KCNH7: variants seen among roughly 807,000 people sequenced by gnomAD.
KCNH7 encodes voltage-gated inwardly rectifying potassium channel KCNH7.
Under a neutral mutation model 120.8 loss-of-function variants are expected in KCNH7, and 49 were observed. The ratio of observed to expected loss-of-function variants is 0.41; its 90% confidence interval spans 0.32 to 0.51. The LOEUF is 0.51. KCNH7 is among the 20% of genes least tolerant of loss of function. The probability of loss-of-function intolerance (pLI) is 0.38; values close to 1 mark genes in which losing one functional copy is unlikely to be tolerated. For synonymous variants in KCNH7, 547 were observed against 516.1 expected (o/e 1.06, Z -0.81); for missense variants, 1,097 against 1,446.6 (o/e 0.76, Z 3.92).
intron 2 of KCNH7, among the ~76,000 whole-genome samples, chr2:162,734,764 A>T (rs2105398120): frequency 6.6e-6 from 1 of 152,188 alleles, no homozygotes; most frequent in Admixed American, 6.6e-5. Context: ...GACTCAATAC[A>T]TGAAGTTTAT....
chr2:162,591,576 T>C (rs1187948658), intron 2 of KCNH7, among the ~76,000 whole-genome samples: 2 of 152,068 alleles, frequency 1.3e-5, no homozygotes, highest in Non-Finnish European at 2.9e-5. Flanking sequence ...TTAATTTGCA[T>C]GCAGTGGCTC....
chr2:162,384,196 A>T lies in KCNH7; in HGVS notation c.2962+492T>A, dbSNP rs138252968. Among the ~76,000 whole-genome samples the T allele has an allele frequency of 6.9e-3, 1,047 of 151,978 alleles. 35 individuals are homozygous for T. Among genetic ancestry groups the T allele is most frequent in the Admixed American group, 0.053 (813 of 15,206 alleles). On this transcript the variant is annotated intron_variant, in intron 13 of 15. Coordinates refer to ENST00000332142, the MANE Select transcript of KCNH7 (RefSeq NM_033272.4). ...AAATAAAAATAAAAATAAAATAAAG[A>T]CCATACTTTATTTCAGGGCATTTCT...
chr2:162,567,285 C>G (rs1693289373), intron 2 of KCNH7, among the ~76,000 whole-genome samples: 1 of 151,972 alleles, frequency 6.6e-6, no homozygotes, highest in Non-Finnish European at 1.5e-5. Context: ...AGAGATCCCT[C>G]TTTTTTACTC....
At chr2:162,458,822 A>T (rs563163382) in intron 6 of KCNH7, among the ~76,000 whole-genome samples, 1 of 151,986 alleles carries the variant, frequency 6.6e-6, no homozygotes, top group South Asian at 2.1e-4. Flanking sequence ...TGGGCAACAT[A>T]GTGAGACTTT....
chr2:162,557,148 C>G (rs759283604), intron 2 of KCNH7, among the ~76,000 whole-genome samples: 43 of 152,208 alleles, frequency 2.8e-4, no homozygotes, highest in Admixed American at 9.8e-4. Context: ...CTGCTGTCAT[C>G]TGAAGGCTGA....
At chr2:162,520,200 A>G (rs540298756) in intron 3 of KCNH7, among the ~76,000 whole-genome samples, 25 of 128,160 alleles carry the variant, frequency 2.0e-4, no homozygotes, top group African/African-American at 7.8e-4. Flanking sequence ...ATCACAATCC[A>G]TCCAGTCATA....
intron 6 of KCNH7, among the ~76,000 whole-genome samples, chr2:162,449,098 T>C (rs1170933225): frequency 6.6e-6 from 1 of 151,794 alleles, no homozygotes; most frequent in East Asian, 1.9e-4. Context: ...ATGTGTTGTG[T>C]GTTGGGGAAT....
intron 6 of KCNH7, among the ~76,000 whole-genome samples, chr2:162,486,213 G>A (rs1206231769): frequency 6.6e-6 from 1 of 152,146 alleles, no homozygotes; most frequent in African/African-American, 2.4e-5. Context: ...GGCCATTAAA[G>A]TGACATCCTT....
intron 14 of KCNH7, among the ~76,000 whole-genome samples, chr2:162,376,405 G>A (rs367892980): frequency 4.0e-4 from 59 of 147,350 alleles, no homozygotes; most frequent in African/African-American, 1.2e-3. Context: ...TTGCTCTGTC[G>A]CCCAGGCTGG....
intron 2 of KCNH7, among the ~76,000 whole-genome samples, chr2:162,640,955 G>T (rs936364950): frequency 1.3e-5 from 2 of 152,074 alleles, no homozygotes; most frequent in South Asian, 4.1e-4. Context: ...CATTAGGGAA[G>T]TACAAATTAA....
At chr2:162,493,514 TTAAGGTTA>T (rs1374678730) in intron 6 of KCNH7, among the ~76,000 whole-genome samples, 3 of 152,192 alleles carry the variant, frequency 2.0e-5, no homozygotes, top group African/African-American at 7.2e-5. Flanking sequence ...GCTAAATGTT[TTAAGGTTA>T]TAAGCTGCTT....
chr2:162,718,020 C>G (rs1015890898), intron 2 of KCNH7, among the ~76,000 whole-genome samples: 1 of 151,852 alleles, frequency 6.6e-6, no homozygotes, highest in East Asian at 1.9e-4. Context: ...TTGTCTCTCT[C>G]CCTTTTTCTC....
intron 2 of KCNH7, among the ~76,000 whole-genome samples, chr2:162,721,869 A>G (rs990469272): frequency 2.6e-5 from 4 of 152,144 alleles, no homozygotes; most frequent in Admixed American, 6.5e-5. Context: ...TGAAGGAAAA[A>G]TGATGGCGGA....
chr2:162,530,469 C>T (rs995612104), intron 3 of KCNH7, among the ~76,000 whole-genome samples: 12 of 150,660 alleles, frequency 8.0e-5, no homozygotes, highest in African/African-American at 2.7e-4. Flanking sequence ...CGCGAGCGTG[C>T]GCGCACACAC....
chr2:162,443,365 T>C (rs1404987940), intron 7 of KCNH7, among the ~76,000 whole-genome samples: 1 of 152,160 alleles, frequency 6.6e-6, no homozygotes, highest in Non-Finnish European at 1.5e-5. Context: ...AGGAATTTCT[T>C]CCCCACAACA....
chr2:162,483,535 T>C (rs1351484220), intron 6 of KCNH7, among the ~76,000 whole-genome samples: 1 of 151,360 alleles, frequency 6.6e-6, no homozygotes, highest in Non-Finnish European at 1.5e-5. Context: ...CACTGTATTC[T>C]TTGTTTTTTT....
intron 2 of KCNH7, among the ~76,000 whole-genome samples, chr2:162,790,863 C>T (rs1014913139): frequency 6.6e-6 from 1 of 152,066 alleles, no homozygotes; most frequent in Non-Finnish European, 1.5e-5. Context: ...AACATATCCA[C>T]AGTTGAAATC....
intron 2 of KCNH7, among the ~76,000 whole-genome samples, chr2:162,813,680 G>A (rs1318376756): frequency 6.6e-6 from 1 of 152,060 alleles, no homozygotes; most frequent in Non-Finnish European, 1.5e-5. Context: ...TTTAATATTT[G>A]TATTCTCTTT....
At chr2:162,632,838 T>C (rs1318248129) in intron 2 of KCNH7, among the ~76,000 whole-genome samples, 1 of 151,856 alleles carries the variant, frequency 6.6e-6, no homozygotes, top group East Asian at 1.9e-4. Flanking sequence ...AAATTTTATA[T>C]GAATTGAAAA....
Sources: allele counts gnomAD v4.1 joint callset (sites outside exome capture counted in the v4.1 genomes callset), GRCh38; gene constraint gnomAD v4.1.1; transcripts MANE v1.5; gene names NCBI Gene and HGNC (gene_info 2026-07-23, HGNC 2026-07-21).